CSMD1: variants seen among roughly 807,000 people sequenced by gnomAD.
CSMD1 encodes the protein CUB and sushi domain-containing protein 1.
Under a neutral mutation model 417.5 loss-of-function variants are expected in CSMD1, and 213 were observed. The observed-to-expected ratio is 0.51, with a 90% CI of 0.46 to 0.57. The LOEUF is 0.57. CSMD1 is among the 20% of genes least tolerant of loss of function. The probability of loss-of-function intolerance (pLI) is 0.00; values close to 1 mark genes in which losing one functional copy is unlikely to be tolerated. For missense variants in CSMD1, 6,923 were observed against 4,529.7 expected (o/e 1.53, Z -15.17); for synonymous variants, 2,862 against 1,736.8 (o/e 1.65, Z -16.11).
chr8:3,756,044 T>A (rs1797637100), intron 5 of CSMD1, among the ~76,000 whole-genome samples: 2 of 152,120 alleles, frequency 1.3e-5, no homozygotes, highest in African/African-American at 4.8e-5. Context: ...CTGTACTTAC[T>A]GAACTTACAG....
At chr8:4,316,675 A>C (rs943484257) in intron 3 of CSMD1, among the ~76,000 whole-genome samples, 4 of 152,038 alleles carry the variant, frequency 2.6e-5, no homozygotes, top group African/African-American at 9.7e-5. Context: ...ACTCAAATGC[A>C]AACTAAGGGG....
intron 3 of CSMD1, among the ~76,000 whole-genome samples, chr8:4,304,087 A>G (rs1256437523): frequency 3.9e-5 from 6 of 152,162 alleles, no homozygotes; most frequent in Non-Finnish European, 8.8e-5. Context: ...TTGAAATACC[A>G]TTGTGTTGTC....
intron 1 of CSMD1, among the ~76,000 whole-genome samples, chr8:4,675,126 G>C (rs999166245): frequency 1.3e-5 from 2 of 152,194 alleles, no homozygotes; most frequent in African/African-American, 4.8e-5. Context: ...ATGGCAGCCT[G>C]AGCTGACTAA....
Position 3,421,654 on chromosome 8 carries a change from T to C in CSMD1, c.1562-12049A>G, listed in dbSNP as rs1813494951. On this transcript the variant is annotated intron_variant, in intron 12 of 69. Coordinates refer to ENST00000635120, the MANE Select transcript of CSMD1 (RefSeq NM_033225.6). ...TTCTACAGATGTCTTTTTCTTTTTT[T>C]TGAGACAGTGTCTTGCTCTGTTGCC... Among the ~76,000 whole-genome samples, 3 of 152,180 alleles carry C rather than the reference T, an allele frequency of 2.0e-5. No individual in the cohort carries two copies. The South Asian group carries it at 6.2e-4, about 31-fold the overall frequency.
chr8:3,880,896 G>T (rs541170777), intron 5 of CSMD1, among the ~76,000 whole-genome samples: 1 of 151,912 alleles, frequency 6.6e-6, no homozygotes, highest in African/African-American at 2.4e-5. Context: ...GTGTACCATT[G>T]AAAGTAAACA....
intron 9 of CSMD1, among the ~76,000 whole-genome samples, chr8:3,581,797 CT>C (rs936637023): frequency 4.1e-4 from 62 of 150,778 alleles, no homozygotes; most frequent in African/African-American, 1.3e-3. Flanking sequence ...ATGATGCTGT[CT>C]TTTTTTTTTC....
rs565164719 is a variant in CSMD1, at chr8:4,187,442, G to C, written c.416-155343C>G. The stretch of plus-strand genomic sequence containing the variant: ...CAGGCAGATCACCTGAGGTCAGGAA[G>C]AGACCAGCCTGATCAACATGGTGAA... On this transcript the variant is annotated intron_variant, in intron 3 of 69. Coordinates refer to ENST00000635120, the MANE Select transcript of CSMD1 (RefSeq NM_033225.6). Among the ~76,000 whole-genome samples the C allele has an allele frequency of 4.3e-4, 65 of 152,164 alleles. No individual in the cohort carries two copies. The South Asian group carries it at 9.8e-3, about 23-fold the overall frequency.
At chr8:4,322,597 C>T (rs1298543321) in intron 3 of CSMD1, among the ~76,000 whole-genome samples, 2 of 152,234 alleles carry the variant, frequency 1.3e-5, no homozygotes, top group Admixed American at 6.5e-5. Flanking sequence ...ACATAAAAGA[C>T]ATGTTGTAGA....
chr8:4,661,829 G>T (rs1416279720), intron 1 of CSMD1, among the ~76,000 whole-genome samples: 1 of 152,124 alleles, frequency 6.6e-6, no homozygotes, highest in African/African-American at 2.4e-5. Context: ...TTAGTCCTAG[G>T]TAACAGAAGT....
chr8:4,275,911 T>C (rs932113727), intron 3 of CSMD1, among the ~76,000 whole-genome samples: 21 of 152,206 alleles, frequency 1.4e-4, no homozygotes, highest in African/African-American at 5.1e-4. Flanking sequence ...AAAAACAGGA[T>C]TGTTTAAATG....
chr8:4,011,961 T>A (rs977139487), intron 4 of CSMD1, among the ~76,000 whole-genome samples: 2 of 152,014 alleles, frequency 1.3e-5, no homozygotes, highest in African/African-American at 2.4e-5. Context: ...CCATTATTTA[T>A]AATACCAAAT....
intron 5 of CSMD1, among the ~76,000 whole-genome samples, chr8:3,910,134 A>G (rs1246475233): frequency 6.6e-6 from 1 of 152,186 alleles, no homozygotes; most frequent in African/African-American, 2.4e-5. Flanking sequence ...ACAGTGTGTG[A>G]GCTTTTCTTA....
intron 21 of CSMD1, among the ~76,000 whole-genome samples, chr8:3,357,516 A>G (rs1255704691): frequency 1.3e-5 from 2 of 152,364 alleles, no homozygotes; most frequent in Non-Finnish European, 1.5e-5. Context: ...CTGAGTTTTC[A>G]TATTTTAGAC....
At chr8:3,840,182 G>C (rs1803031490) in intron 5 of CSMD1, among the ~76,000 whole-genome samples, 1 of 151,970 alleles carries the variant, frequency 6.6e-6, no homozygotes. Flanking sequence ...CTATCAAAGG[G>C]CCTTCATAAA....
At chr8:4,240,822 G>A (rs1237604411) in intron 3 of CSMD1, among the ~76,000 whole-genome samples, 1 of 151,918 alleles carries the variant, frequency 6.6e-6, no homozygotes, top group Non-Finnish European at 1.5e-5. Flanking sequence ...TTTTTATTTG[G>A]TGTCTATGTG....
chr8:4,899,906 G>A (rs560562834), intron 1 of CSMD1, among the ~76,000 whole-genome samples: 1 of 152,256 alleles, frequency 6.6e-6, no homozygotes, highest in East Asian at 1.9e-4. Flanking sequence ...TCTGTCCCTA[G>A]AGTTTACCCA....
chr8:4,148,588 G>A (rs1451404165), intron 3 of CSMD1, among the ~76,000 whole-genome samples: 7 of 152,192 alleles, frequency 4.6e-5, no homozygotes, highest in African/African-American at 1.7e-4. Context: ...GAGACCAGCT[G>A]TCTGGTCTGG....
At chr8:3,416,260 G>A (rs185893969) in intron 12 of CSMD1, among the ~76,000 whole-genome samples, 205 of 135,250 alleles carry the variant, frequency 1.5e-3, no homozygotes, top group African/African-American at 5.5e-3. Context: ...CCGGGACTGC[G>A]CAACTGCACT....
chr8:4,080,329 A>T (rs1800063181), intron 3 of CSMD1, among the ~76,000 whole-genome samples: 1 of 152,208 alleles, frequency 6.6e-6, no homozygotes, highest in Non-Finnish European at 1.5e-5. Context: ...CTTACCCGTG[A>T]GTACTTCACA....
Sources: allele counts gnomAD v4.1 joint callset (sites outside exome capture counted in the v4.1 genomes callset), GRCh38; gene constraint gnomAD v4.1.1; transcripts MANE v1.5; gene names NCBI Gene and HGNC (gene_info 2026-07-23, HGNC 2026-07-21).